CNOT1: variants seen among roughly 807,000 people sequenced by gnomAD.
CNOT1 encodes the protein CCR4-NOT transcription complex subunit 1, also known as CCR4-associated factor 1.
Under a neutral mutation model 273.8 loss-of-function variants are expected in CNOT1, and 15 were observed. That is an observed-to-expected ratio of 0.05 (90% CI 0.04 to 0.08). The LOEUF (loss-of-function observed/expected upper bound fraction) is 0.08. Among genes scored for constraint, CNOT1 ranks in the 10% least tolerant of loss-of-function variants. The pLI is 1.00. For synonymous variants in CNOT1, 1,022 were observed against 1,005.5 expected, an observed-to-expected ratio of 1.02 and a Z score of -0.31; for missense variants, 1,644 against 2,912.2, an observed-to-expected ratio of 0.56 and a Z score of 10.02.
rs564313505 is a variant in CNOT1 at position 58,560,496 on chromosome 16, G to A, written c.1980-134C>T. 6.0e-5 allele frequency: 84 copies of A among 1,411,454 alleles called. No homozygotes were observed. The Middle Eastern group carries it at 1.5e-3, about 26-fold the overall frequency. 87.4% of individuals were successfully genotyped at this position (1,411,454 alleles called of 1,614,324 possible). A position where few individuals can be genotyped will look rare whatever the true frequency, so the allele number is the denominator to read the frequency against. On this transcript the variant is annotated intron_variant, in intron 16 of 48. Coordinates refer to ENST00000317147, the MANE Select transcript of CNOT1 (RefSeq NM_016284.5). Reference sequence around the variant, plus strand: ...CACCCAGACTGGAGTGCAGTAGCACGATATCAATTCACTGCAACCTCTGCC... The same window carrying A: ...CACCCAGACTGGAGTGCAGTAGCACAATATCAATTCACTGCAACCTCTGCC...
intron 2 of CNOT1, among the ~76,000 whole-genome samples, chr16:58,593,720 C>T (rs564808787): frequency 6.6e-6 from 1 of 152,154 alleles, no homozygotes; most frequent in East Asian, 1.9e-4. Flanking sequence ...GAGTGAGACT[C>T]TGTCTCAAAA....
intron 1 of CNOT1, among the ~76,000 whole-genome samples, chr16:58,617,593 G>A (rs930191330): frequency 6.6e-6 from 1 of 152,136 alleles, no homozygotes; most frequent in Non-Finnish European, 1.5e-5. Flanking sequence ...TAAGATAAGC[G>A]ATATTCAACC....
At chr16:58,534,495 CCTA>C in intron 39 of CNOT1, 100 bp from the exon 40 acceptor site, 3 of 1,270,764 alleles carry the variant, frequency 2.4e-6, no homozygotes, top group East Asian at 5.0e-5. Context: ...CTCATTTGTT[CCTA>C]CTGTCATATT....
chr16:58,567,338 G>A (rs892435262), intron 16 of CNOT1, among the ~76,000 whole-genome samples: 4 of 151,848 alleles, frequency 2.6e-5, no homozygotes, highest in Admixed American at 6.6e-5. Context: ...AAGAAATAAT[G>A]CTGGCCGGGC....
At chr16:58,527,322 G>T (rs2039627339) in intron 44 of CNOT1, among the ~76,000 whole-genome samples, 1 of 151,452 alleles carries the variant, frequency 6.6e-6, no homozygotes, top group African/African-American at 2.4e-5. Context: ...AGGAGTTTGA[G>T]ACCAGCCTGG....
At chr16:58,571,641 C>T (rs1437809419) in intron 16 of CNOT1, among the ~76,000 whole-genome samples, 1 of 151,970 alleles carries the variant, frequency 6.6e-6, no homozygotes, top group Non-Finnish European at 1.5e-5. Context: ...CCCCAAACAC[C>T]TGACGGAAAA....
chr16:58,555,168 A>C (rs1325981266), intron 21 of CNOT1, 83 bp downstream of exon 21: 1 of 1,545,686 alleles, frequency 6.5e-7, no homozygotes, highest in Non-Finnish European at 8.7e-7. Flanking sequence ...AGATTGCGCC[A>C]CTGCACTCCA....
At chr16:58,618,984 G>A (rs8053005) in intron 1 of CNOT1, among the ~76,000 whole-genome samples, 59,099 of 151,826 alleles carry the variant, frequency 0.39, 12,889 homozygotes, top group African/African-American at 0.59. Flanking sequence ...TTTGAGGCTG[G>A]GAGTGCAAGG....
At chr16:58,538,320 G>T in intron 36 of CNOT1, 54 bp from the exon 37 acceptor site, 1 of 832,322 alleles carries the variant, frequency 1.2e-6, no homozygotes, top group Non-Finnish European at 2.1e-6. Context: ...CTGTAAAAGG[G>T]CCCATTTTAC....
At chr16:58,562,737 C>T (rs1435161225) in intron 16 of CNOT1, among the ~76,000 whole-genome samples, 2 of 151,960 alleles carry the variant, frequency 1.3e-5, no homozygotes, top group African/African-American at 2.4e-5. Context: ...GCAGGAGAAT[C>T]GCTTGAACCC....
intron 1 of CNOT1, among the ~76,000 whole-genome samples, chr16:58,609,800 T>A (rs1483509775): frequency 6.6e-6 from 1 of 151,854 alleles, no homozygotes; most frequent in African/African-American, 2.4e-5. Flanking sequence ...TCTCATTCCT[T>A]CTTTTATCAT....
chr16:58,593,533 A>C (rs1025559577), intron 2 of CNOT1, among the ~76,000 whole-genome samples: 31 of 150,838 alleles, frequency 2.1e-4, no homozygotes, highest in African/African-American at 7.3e-4. Flanking sequence ...TACTTACTCC[A>C]ACCTGGGCAA....
At chr16:58,621,422 C>T (rs575060567) in intron 1 of CNOT1, among the ~76,000 whole-genome samples, 31 of 151,984 alleles carry the variant, frequency 2.0e-4, no homozygotes, top group Middle Eastern at 3.4e-3. Flanking sequence ...TACAGGCACG[C>T]GCCACCACGC....
intron 30 of CNOT1, among the ~76,000 whole-genome samples, chr16:58,544,121 T>G (rs2151918783): frequency 6.6e-6 from 1 of 152,340 alleles, no homozygotes; most frequent in South Asian, 2.1e-4. Context: ...GATATGTCTT[T>G]TTTTTAAATC....
At chr16:58,626,321 C>T (rs1419697476) in intron 1 of CNOT1, among the ~76,000 whole-genome samples, 3 of 144,520 alleles carry the variant, frequency 2.1e-5, no homozygotes, top group African/African-American at 5.1e-5. Flanking sequence ...GCAGAAGAAT[C>T]GCTTGAACCT....
At chr16:58,551,529 C>T in intron 23 of CNOT1, 60 bp downstream of exon 23, 2 of 1,530,482 alleles carry the variant, frequency 1.3e-6, no homozygotes, top group East Asian at 2.3e-5. Context: ...TACATGTTCA[C>T]CACTGATTAT....
chr16:58,550,484 C>A (rs919240107), intron 24 of CNOT1, among the ~76,000 whole-genome samples: 8 of 152,032 alleles, frequency 5.3e-5, no homozygotes, highest in Non-Finnish European at 1.0e-4. Context: ...GTAAATATAT[C>A]TTTTCTTCCT....
At chr16:58,573,477 A>ATTTTTTTT (rs34706886) in intron 16 of CNOT1, among the ~76,000 whole-genome samples, 1 of 112,928 alleles carries the variant, frequency 8.9e-6, no homozygotes, top group Non-Finnish European at 1.7e-5. Context: ...CTGTTTTGCA[A>ATTTTTTTT]TTTTTTTTTT....
chr16:58,599,010 C>G (rs2042368516), intron 2 of CNOT1: 1 of 364,494 alleles, frequency 2.7e-6, no homozygotes, highest in Non-Finnish European at 5.0e-6. Context: ...GAGATCATGC[C>G]ACTGCACTCC....
Sources: gnomAD v4.1 joint callset for allele counts (sites outside exome capture counted in the v4.1 genomes callset) on GRCh38, gnomAD v4.1.1 for gene constraint, MANE v1.5 for transcripts, NCBI Gene and HGNC (gene_info 2026-07-23, HGNC 2026-07-21) for gene names.